Variants in ZCCHC4 observed in about 807,000 individuals in gnomAD.
ZCCHC4 encodes zinc finger CCHC-type containing 4, also known as rRNA N(6)-adenosine-methyltransferase ZCCHC4.
In ZCCHC4, 54 loss-of-function variants were observed where a neutral mutation model predicts 67.7. The ratio of observed to expected loss-of-function variants is 0.80; its 90% CI spans 0.64 to 1.00. The LOEUF (loss-of-function observed/expected upper bound fraction) is 1.00, where lower values mean the gene tolerates loss of function less well. Ranked by LOEUF, ZCCHC4 falls within the 50% of genes least tolerant of loss-of-function variation. ZCCHC4 has a pLI of 0.00. For missense variants in ZCCHC4, 609 were observed against 617.0 expected, an observed-to-expected ratio of 0.99 and a Z score of 0.14; for synonymous variants, 198 against 213.5, an observed-to-expected ratio of 0.93 and a Z score of 0.63.
At chr4:25,317,981 G>A (rs10939050) in intron 3 of ZCCHC4, among the ~76,000 whole-genome samples, 79,388 of 152,006 alleles carry the variant, frequency 0.52, 21,983 homozygotes, top group Non-Finnish European at 0.61. Flanking sequence ...GAGGATACAT[G>A]AGGAGAGAAA....
At chr4:25,333,515 A>G in intron 4 of ZCCHC4, 57 bp downstream of exon 4, 1 of 1,567,678 alleles carries the variant, frequency 6.4e-7, no homozygotes, top group Non-Finnish European at 8.7e-7. Flanking sequence ...AACTGTATGA[A>G]GATTTTATTA....
At chr4:25,368,585 C>T (rs1721033312) in intron 12 of ZCCHC4, among the ~76,000 whole-genome samples, 2 of 152,126 alleles carry the variant, frequency 1.3e-5, no homozygotes, top group Admixed American at 6.5e-5. Flanking sequence ...CAAGGCTTCT[C>T]GGTTTTTTCC....
At chr4:25,314,935 A>G (rs1718174099) in intron 2 of ZCCHC4, among the ~76,000 whole-genome samples, 1 of 152,202 alleles carries the variant, frequency 6.6e-6, no homozygotes, top group South Asian at 2.1e-4. Flanking sequence ...TGAGCTTGGT[A>G]TCCTCTTGAA....
chr4:25,335,922 A>T (rs996464668), intron 5 of ZCCHC4, among the ~76,000 whole-genome samples: 2 of 152,192 alleles, frequency 1.3e-5, no homozygotes, highest in African/African-American at 4.8e-5. Context: ...TCCCTTGTTG[A>T]CAGCACTAGC....
intron 2 of ZCCHC4, 48 bp downstream of exon 2, chr4:25,314,212 C>A: frequency 7.7e-7 from 1 of 1,296,074 alleles, no homozygotes; most frequent in Admixed American, 2.0e-5. Flanking sequence ...GTATGTGTGA[C>A]AATTTTGTTG....
chr4:25,315,456 T>G, intron 3 of ZCCHC4, 56 bp downstream of exon 3: 1 of 1,332,878 alleles, frequency 7.5e-7, no homozygotes, highest in Admixed American at 2.2e-5. Flanking sequence ...TTTTTGTTAT[T>G]GCCTTTTTCT....
chr4:25,321,289 G>C (rs1312799532), intron 3 of ZCCHC4, among the ~76,000 whole-genome samples: 2 of 150,674 alleles, frequency 1.3e-5, no homozygotes, highest in Non-Finnish European at 2.9e-5. Context: ...AGTTTCATCT[G>C]TTGCCCAGGC....
chr4:25,354,006 C>A (rs1720414947), intron 8 of ZCCHC4, among the ~76,000 whole-genome samples: 1 of 152,132 alleles, frequency 6.6e-6, no homozygotes, highest in South Asian at 2.1e-4. Flanking sequence ...TTTTGCCATT[C>A]ATTTTAATTC....
rs768486407 is a variant in ZCCHC4 at position 25,345,546 on chromosome 4, A to G, written c.687-2A>G. ...GCAAATAACTCTGTAATTATTTTAC[A>G]GGTATTCACAGTTTTATATGGAAGA... On this transcript the variant is annotated splice_acceptor_variant, in intron 5 of 12. Transcript: ENST00000302874. LOFTEE classifies it high-confidence loss of function. 6.9e-7 allele frequency: 1 copy of G among 1,453,630 alleles called. No individual in the cohort carries two copies. Among genetic ancestry groups the G allele is most frequent in the East Asian group, 2.3e-5 (1 of 44,096 alleles). 90.0% of individuals were successfully genotyped at this position (1,453,630 alleles called of 1,614,324 possible). A position where few individuals can be genotyped will look rare whatever the true frequency, so the allele number is the denominator to read the frequency against.
chr4:25,351,834 T>G, intron 8 of ZCCHC4, 145 bp downstream of exon 8: 1 of 1,001,282 alleles, frequency 1.0e-6, no homozygotes, highest in Non-Finnish European at 1.3e-6. Flanking sequence ...GTCCAGTGTT[T>G]TCTAAATATC....
chr4:25,321,827 C>T (rs1022306065), intron 3 of ZCCHC4, among the ~76,000 whole-genome samples: 54 of 152,264 alleles, frequency 3.5e-4, no homozygotes, highest in African/African-American at 1.3e-3. Flanking sequence ...GGGATATTTA[C>T]TTCTCTGATA....
intron 12 of ZCCHC4, chr4:25,366,440 C>T (rs1720956210): frequency 3.7e-6 from 1 of 272,576 alleles, no homozygotes; most frequent in South Asian, 1.4e-4. Context: ...CTCAGCCTCC[C>T]TAGTAGCTGG....
chr4:25,336,342 C>T (rs1427974053), intron 5 of ZCCHC4, among the ~76,000 whole-genome samples: 2 of 152,044 alleles, frequency 1.3e-5, no homozygotes, highest in African/African-American at 4.8e-5. Context: ...GTATGATACT[C>T]GATTGTATGG....
chr4:25,363,923 T>C (rs1165263708), intron 10 of ZCCHC4, among the ~76,000 whole-genome samples: 2 of 152,196 alleles, frequency 1.3e-5, no homozygotes, highest in Non-Finnish European at 1.5e-5. Context: ...GCTGGTGGTA[T>C]TTTTTCTTGA....
Position 25,349,581 on chromosome 4 carries a change from T to G in ZCCHC4, c.849T>G (p.Val283=), listed in dbSNP as rs544928156. Residue 283 remains valine (V), a synonymous_variant, in exon 7 of 13, where the codon GTT becomes GTG. Transcript: ENST00000302874. ...MVTDPPFGGL[V]EPLAITFKKL... is the part of the protein sequence containing the mutation. Reference sequence around the variant, plus strand: ...CGGATCCTCCGTTTGGTGGCTTGGTTGAACCTCTGGCTATTACATTCAAGA... The same window carrying G: ...CGGATCCTCCGTTTGGTGGCTTGGTGGAACCTCTGGCTATTACATTCAAGA... 2 of 1,613,936 alleles carry G rather than the reference T, an allele frequency of 1.2e-6. No homozygotes were observed. Among genetic ancestry groups the G allele is most frequent in the African/African-American group, 2.7e-5 (2 of 74,934 alleles).
chr4:25,340,979 T>C (rs1719730141), intron 5 of ZCCHC4, among the ~76,000 whole-genome samples: 1 of 152,124 alleles, frequency 6.6e-6, no homozygotes, highest in African/African-American at 2.4e-5. Flanking sequence ...CACTTCCACT[T>C]AATGAATATT....
At chr4:25,315,493 T>C in intron 3 of ZCCHC4, 93 bp downstream of exon 3, 1 of 952,796 alleles carries the variant, frequency 1.0e-6, no homozygotes, top group South Asian at 2.2e-5. Context: ...TTTCATTTAT[T>C]TATTTTTATT....
intron 3 of ZCCHC4, among the ~76,000 whole-genome samples, chr4:25,318,780 C>T (rs2109048663): frequency 8.0e-6 from 1 of 124,992 alleles, no homozygotes; most frequent in Non-Finnish European, 1.8e-5. Context: ...AAAGAATTTC[C>T]AAAAGGTTAT....
chr4:25,326,990 T>G (rs751108021), intron 3 of ZCCHC4, among the ~76,000 whole-genome samples: 16 of 152,258 alleles, frequency 1.1e-4, no homozygotes, highest in Non-Finnish European at 2.4e-4. Flanking sequence ...AGTTTCTAAT[T>G]GTCTATTGCT....
Sources: allele counts gnomAD v4.1 joint callset (sites outside exome capture counted in the v4.1 genomes callset), GRCh38; gene constraint gnomAD v4.1.1; transcripts MANE v1.5; gene names NCBI Gene and HGNC (gene_info 2026-07-23, HGNC 2026-07-21).